Variants in POLR3A observed in about 807,000 individuals in gnomAD.
POLR3A encodes DNA-directed RNA polymerase III subunit RPC1.
Under a neutral mutation model 152.8 loss-of-function variants are expected in POLR3A, and 112 were observed. The ratio of observed to expected loss-of-function variants is 0.73; its 90% CI spans 0.63 to 0.86. The LOEUF is 0.86. Among genes scored for constraint, POLR3A ranks in the 40% least tolerant of loss-of-function variants. POLR3A has a pLI of 0.00. For missense variants in POLR3A, 1,385 were observed against 1,743.1 expected (o/e 0.79, Z 3.66); for synonymous variants, 615 against 652.1 (o/e 0.94, Z 0.87).
chr10:78,028,214 A>C (rs761096835), intron 1 of POLR3A, among the ~76,000 whole-genome samples: 1 of 152,228 alleles, frequency 6.6e-6, no homozygotes, highest in African/African-American at 2.4e-5. Flanking sequence ...ACTGCCTACA[A>C]GATGACTTCT....
At chr10:78,006,395 C>CAAAAAAAA (rs36050560) in intron 15 of POLR3A, among the ~76,000 whole-genome samples, 35 of 21,928 alleles carry the variant, frequency 1.6e-3, no homozygotes, top group African/African-American at 2.6e-3. Flanking sequence ...GACTCTGTCT[C>CAAAAAAAA]AAAAAAAAAA....
intron 4 of POLR3A, 89 bp from the exon 5 acceptor site, chr10:78,024,792 A>C (rs1420702217): frequency 1.2e-5 from 17 of 1,366,978 alleles, no homozygotes; most frequent in Non-Finnish European, 1.7e-5. Context: ...AATTACTGAA[A>C]CTACTATAGC....
chr10:77,987,390 C>T (rs954724046), intron 21 of POLR3A, among the ~76,000 whole-genome samples: 4 of 152,150 alleles, frequency 2.6e-5, no homozygotes, highest in African/African-American at 9.7e-5. Context: ...AGGCATTCAG[C>T]TGCTCTGTGT....
At chr10:78,026,368 C>A (rs1847634861) in intron 1 of POLR3A, 139 bp from the exon 2 acceptor site, 2 of 833,110 alleles carry the variant, frequency 2.4e-6, no homozygotes, top group African/African-American at 1.7e-5. Flanking sequence ...ATATATTTAA[C>A]CCTCTCTCAT....
intron 19 of POLR3A, among the ~76,000 whole-genome samples, chr10:77,995,970 C>G (rs1847296592): frequency 1.3e-5 from 2 of 152,054 alleles, no homozygotes; most frequent in Admixed American, 6.6e-5. Context: ...TCTCTCAGAC[C>G]ACAGTGCAAT....
intron 10 of POLR3A, among the ~76,000 whole-genome samples, chr10:78,016,130 T>TA (rs1847521506): frequency 1.3e-5 from 2 of 152,308 alleles, no homozygotes; most frequent in South Asian, 4.1e-4. Context: ...ATTTCCATTT[T>TA]AAATCTCCAG....
At chr10:77,994,503 A>G (rs1847279806) in intron 19 of POLR3A, among the ~76,000 whole-genome samples, 1 of 152,102 alleles carries the variant, frequency 6.6e-6, no homozygotes, top group Admixed American at 6.6e-5. Flanking sequence ...TTACTTAAAA[A>G]AAAAAAAAAA....
rs1847374762 is a variant in POLR3A, at chr10:78,003,289, C to CAGAA, written c.2248-982_2248-981insTTCT. 5.3e-5 allele frequency among the ~76,000 whole-genome samples: 8 copies of CAGAA among 152,292 alleles called. No individual in the cohort carries two copies. In the South Asian group the frequency reaches 1.7e-3, roughly 32 times the overall value. The stretch of plus-strand genomic sequence containing the variant: ...TTAAGAATGAGCTAATGGTAAATAC[C>CAGAA]TCACAAAATTCTGGTTTCTCCCTGC... On this transcript the variant is annotated intron_variant, in intron 16 of 30. Transcript: ENST00000372371.
At chr10:77,982,839 G>A (rs749219293) in intron 26 of POLR3A, 22 bp from the exon 27 acceptor site, 7 of 1,611,054 alleles carry the variant, frequency 4.3e-6, no homozygotes, top group Non-Finnish European at 5.1e-6. Context: ...CCAGGTGTAG[G>A]TGTTACTGAT....
Position 77,975,634 on chromosome 10 carries a change from TTTA to T in POLR3A, c.*1841_*1843del, listed in dbSNP as rs1361453601. On this transcript the variant is annotated 3_prime_UTR_variant, in exon 31 of 31. Coordinates refer to ENST00000372371, the MANE Select transcript of POLR3A (RefSeq NM_007055.4). ...GGTGAGGCTCCTTGGCGGTGCCATCTTTATTATTCCCAGCCACAAGTTATAGCC... is the reference window on the plus strand; with the variant it reads ...GGTGAGGCTCCTTGGCGGTGCCATCTTTATTCCCAGCCACAAGTTATAGCC... The T allele has an allele frequency of 6.6e-6, 1 of 152,318 alleles. No homozygotes were observed. Among genetic ancestry groups the T allele is most frequent in the African/African-American group, 2.4e-5 (1 of 41,468 alleles). The allele number at this position is 152,318 out of a possible 1,614,324, so 9.4% of individuals were successfully genotyped here.
At chr10:78,018,439 C>T (rs1269974948) in intron 9 of POLR3A, among the ~76,000 whole-genome samples, 1 of 150,028 alleles carries the variant, frequency 6.7e-6, no homozygotes, top group Non-Finnish European at 1.5e-5. Flanking sequence ...GTGGAGGTTG[C>T]AGTGAGTCAA....
rs1298787081 is a variant in POLR3A, at chr10:78,017,839, A to T, written c.1290-123T>A. ...ATCAAATCTAAGATGCCTCCATTTTAATGTCATATAGTTTTATGTGCCAAG... is the reference window on the plus strand; with the variant it reads ...ATCAAATCTAAGATGCCTCCATTTTTATGTCATATAGTTTTATGTGCCAAG... On this transcript the variant is annotated intron_variant, in intron 9 of 30. Transcript: ENST00000372371. 5 of 1,122,564 alleles carry T rather than the reference A, an allele frequency of 4.5e-6. No homozygotes were observed. In the African/African-American group the frequency reaches 6.2e-5, roughly 14 times the overall value. 69.5% of individuals were successfully genotyped at this position (1,122,564 alleles called of 1,614,324 possible).
At chr10:78,021,758 G>A in intron 7 of POLR3A, 76 bp from the exon 8 acceptor site, 2 of 1,609,532 alleles carry the variant, frequency 1.2e-6, no homozygotes, top group African/African-American at 1.3e-5. Flanking sequence ...CGGAGAGACT[G>A]AGGAAAGCCT....
intron 30 of POLR3A, among the ~76,000 whole-genome samples, chr10:77,978,306 T>C (rs959929333): frequency 1.3e-5 from 2 of 152,150 alleles, no homozygotes; most frequent in African/African-American, 2.4e-5. Flanking sequence ...GTAGACTTTG[T>C]GCTACCAAGG....
At position 78,009,787 on chromosome 10, in the gene POLR3A, G is replaced by A. The variant is rs1455866922; in HGVS notation, c.1770+77C>T. 4.4e-6 allele frequency: 7 copies of A among 1,607,044 alleles called. No individual in the cohort carries two copies. The Admixed American group carries it at 1.2e-4, about 27-fold the overall frequency. On this transcript the variant is annotated intron_variant, in intron 13 of 30. Transcript: ENST00000372371. ...TGCACTCAAGCCTAGCACCAACACG[G>A]TTCCACTCATTTCACCAGTCTACCC...
At chr10:78,013,332 C>G in intron 11 of POLR3A, 1 of 364,750 alleles carries the variant, frequency 2.7e-6, no homozygotes, top group South Asian at 2.7e-5. Context: ...TTGCTATATT[C>G]TTTTCTTACC....
intron 10 of POLR3A, 90 bp downstream of exon 10, chr10:78,017,485 C>A: frequency 7.7e-7 from 1 of 1,300,440 alleles, no homozygotes. Flanking sequence ...AGATAACAGG[C>A]AATTTTAATT....
chr10:77,999,067 CG>C (rs1245203456), intron 19 of POLR3A, among the ~76,000 whole-genome samples: 1 of 152,056 alleles, frequency 6.6e-6, no homozygotes, highest in Non-Finnish European at 1.5e-5. Flanking sequence ...AACCAAATGC[CG>C]CATGTTCTCA....
Position 78,000,076 on chromosome 10 carries a change from C to T in POLR3A, c.2521G>A (p.Gly841Ser), listed in dbSNP as rs192332506. 1.1e-5 allele frequency: 17 copies of T among 1,613,826 alleles called. No homozygotes were observed. The highest frequency in any genetic ancestry group is 4.5e-5 in the East Asian group (2 of 44,872). ...KGFVANSFYS[G>S]LTPTEFFFHT... Reference sequence around the variant, plus strand: ...AAGAAAAACTCAGTTGGTGTCAAACCGGAATAAAAGCTATTAGCCACAAAG... The same window carrying T: ...AAGAAAAACTCAGTTGGTGTCAAACTGGAATAAAAGCTATTAGCCACAAAG... The change falls in exon 19 of 31, where the codon GGT becomes AGT. Residue 841 changes from glycine (G) to serine (S), a missense_variant. Gly to Ser is a moderately conservative substitution (Grantham distance 56). Around this residue, in one of 7 missense-constraint regions of POLR3A, gnomAD observed 170 missense variants for 231.2 expected, o/e 0.74. Coordinates refer to ENST00000372371, the MANE Select transcript of POLR3A (RefSeq NM_007055.4).
Sources: allele counts gnomAD v4.1 joint callset (sites outside exome capture counted in the v4.1 genomes callset), GRCh38; gene constraint gnomAD v4.1.1; regional missense constraint gnomAD v4.1.1; transcripts MANE v1.5; gene names NCBI Gene and HGNC (gene_info 2026-07-23, HGNC 2026-07-21).